GPATCH8: variants seen among roughly 807,000 people sequenced by gnomAD.
The protein encoded by GPATCH8 is G-patch domain containing 8, also known as G patch domain-containing protein 8.
Under a neutral mutation model 118.3 loss-of-function variants are expected in GPATCH8, and 18 were observed. The ratio of observed to expected loss-of-function variants is 0.15; its 90% confidence interval spans 0.11 to 0.23. The LOEUF (loss-of-function observed/expected upper bound fraction) is 0.23. Ranked by LOEUF, GPATCH8 falls within the 10% of genes least tolerant of loss-of-function variation. The pLI is 1.00. For synonymous variants in GPATCH8, 659 were observed against 684.7 expected (o/e 0.96, Z 0.59); for missense variants, 1,631 against 1,873.8 (o/e 0.87, Z 2.39).
chr17:44,397,132 G>A lies in GPATCH8; in HGVS notation c.*436C>T, dbSNP rs188060173. 7.0e-4 allele frequency: 319 copies of A among 456,148 alleles called. No homozygotes were observed. The highest frequency in any genetic ancestry group is 2.9e-3 in the African/African-American group (145 of 50,208). The allele number at this position is 456,148 out of a possible 1,614,324, so 28.3% of individuals were successfully genotyped here. Reference sequence around the variant, plus strand: ...AGAACAGCTTGGCCTTCCCTGTGGCGCTGAGAAGGCAAGACCAGATGGGCC... The same window carrying A: ...AGAACAGCTTGGCCTTCCCTGTGGCACTGAGAAGGCAAGACCAGATGGGCC... On this transcript the variant is annotated 3_prime_UTR_variant, in exon 8 of 8. Coordinates refer to ENST00000591680, the MANE Select transcript of GPATCH8 (RefSeq NM_001002909.4).
intron 1 of GPATCH8, among the ~76,000 whole-genome samples, chr17:44,480,894 A>AC (rs1968179401): frequency 2.0e-5 from 3 of 151,812 alleles, no homozygotes; most frequent in African/African-American, 7.3e-5. Context: ...AAAAACAAAA[A>AC]AAAACAACCT....
intron 5 of GPATCH8, among the ~76,000 whole-genome samples, chr17:44,430,641 T>C (rs1417624412): frequency 6.7e-6 from 1 of 150,320 alleles, no homozygotes; most frequent in Non-Finnish European, 1.5e-5. Context: ...ATGTTCACTG[T>C]TGCATTTTTT....
intron 1 of GPATCH8, among the ~76,000 whole-genome samples, chr17:44,495,159 C>A (rs1969565611): frequency 6.6e-6 from 1 of 152,052 alleles, no homozygotes; most frequent in African/African-American, 2.4e-5. Context: ...CATGATGAAA[C>A]CCCATCTCTA....
intron 2 of GPATCH8, among the ~76,000 whole-genome samples, chr17:44,467,786 C>G (rs928793551): frequency 1.3e-5 from 2 of 151,720 alleles, no homozygotes; most frequent in African/African-American, 4.8e-5. Flanking sequence ...AAACACTCGT[C>G]AAAAATCCAA....
chr17:44,404,159 A>G (rs1425606524), intron 7 of GPATCH8, among the ~76,000 whole-genome samples: 1 of 152,030 alleles, frequency 6.6e-6, no homozygotes, highest in African/African-American at 2.4e-5. Flanking sequence ...TTTTTTTGAG[A>G]CAGGGTCTTG....
intron 3 of GPATCH8, among the ~76,000 whole-genome samples, chr17:44,452,467 T>C (rs953146025): frequency 7.2e-5 from 11 of 152,128 alleles, no homozygotes; most frequent in African/African-American, 2.4e-4. Flanking sequence ...ATCTAGTGAA[T>C]AGGGGCTTGC....
chr17:44,463,610 G>A (rs563313317), intron 3 of GPATCH8, among the ~76,000 whole-genome samples: 3 of 152,252 alleles, frequency 2.0e-5, no homozygotes, highest in South Asian at 4.1e-4. Context: ...TTGAATTCCT[G>A]ACCTCATGAT....
At chr17:44,412,054 C>G (rs983417316) in intron 6 of GPATCH8, among the ~76,000 whole-genome samples, 1 of 152,184 alleles carries the variant, frequency 6.6e-6, no homozygotes, top group African/African-American at 2.4e-5. Flanking sequence ...TCCCGAGTAG[C>G]TGGGATTACA....
In GPATCH8 at chr17:44,395,627, G is replaced by T. The variant is rs1313688496; in HGVS notation, c.*1941C>A. The T allele has an allele frequency of 4.4e-6, 2 of 454,222 alleles. No individual in the cohort carries two copies. The highest frequency in any genetic ancestry group is 4.7e-5 in the Admixed American group (2 of 42,578). The allele number at this position is 454,222 out of a possible 1,614,324, so 28.1% of individuals were successfully genotyped here. A position where few individuals can be genotyped will look rare whatever the true frequency, so the allele number is the denominator to read the frequency against. On this transcript the variant is annotated 3_prime_UTR_variant, in exon 8 of 8. Coordinates refer to ENST00000591680, the MANE Select transcript of GPATCH8 (RefSeq NM_001002909.4). ...TAGTTATCCAAGAAGTGATGCTTCT[G>T]AATCAGATGAGTACTGAACAGGTAG...
chr17:44,478,704 C>G (rs1967969839), intron 1 of GPATCH8, among the ~76,000 whole-genome samples: 1 of 152,064 alleles, frequency 6.6e-6, no homozygotes, highest in South Asian at 2.1e-4. Flanking sequence ...AACCCTCATC[C>G]TAACAATAAC....
chr17:44,421,272 C>T (rs1005208229), intron 6 of GPATCH8, among the ~76,000 whole-genome samples: 15 of 151,422 alleles, frequency 9.9e-5, no homozygotes, highest in African/African-American at 1.5e-4. Flanking sequence ...ACCCAGGAGG[C>T]GGAGGTTGCA....
chr17:44,478,853 C>T (rs1410120972), intron 1 of GPATCH8, among the ~76,000 whole-genome samples: 1 of 152,026 alleles, frequency 6.6e-6, no homozygotes, highest in African/African-American at 2.4e-5. Context: ...ATCCTCCCAC[C>T]TCAGCCTCCC....
chr17:44,422,924 T>G (rs972421032), intron 6 of GPATCH8, among the ~76,000 whole-genome samples: 1 of 152,140 alleles, frequency 6.6e-6, no homozygotes, highest in Non-Finnish European at 1.5e-5. Flanking sequence ...TATATATATA[T>G]GCTCTATAAA....
intron 2 of GPATCH8, among the ~76,000 whole-genome samples, chr17:44,471,141 A>G (rs1967248126): frequency 6.6e-6 from 1 of 152,250 alleles, no homozygotes; most frequent in Non-Finnish European, 1.5e-5. Context: ...TCTTGAGGAA[A>G]AATCTCATTG....
rs114019434 is a variant in GPATCH8 at position 44,451,923 on chromosome 17, T to G, written c.193+12549A>C. On this transcript the variant is annotated intron_variant, in intron 3 of 7. Coordinates refer to ENST00000591680, the MANE Select transcript of GPATCH8 (RefSeq NM_001002909.4). Reference sequence around the variant, plus strand: ...CCTACAGTTTAGGTACATTACAGCATATTGGTTAAAAGCATAGGTTTTGGC... The same window carrying G: ...CCTACAGTTTAGGTACATTACAGCAGATTGGTTAAAAGCATAGGTTTTGGC... 9.8e-3 allele frequency among the ~76,000 whole-genome samples: 1,497 copies of G among 152,226 alleles called. 22 individuals are homozygous for G. Among genetic ancestry groups the G allele is most frequent in the African/African-American group, 0.029 (1,188 of 41,526 alleles).
At chr17:44,495,420 T>C (rs1343356253) in intron 1 of GPATCH8, among the ~76,000 whole-genome samples, 1 of 152,222 alleles carries the variant, frequency 6.6e-6, no homozygotes, top group African/African-American at 2.4e-5. Flanking sequence ...TTATTAGCTA[T>C]ACTGTTTTTC....
At chr17:44,488,071 C>T (rs372914705) in intron 1 of GPATCH8, among the ~76,000 whole-genome samples, 5 of 149,848 alleles carry the variant, frequency 3.3e-5, no homozygotes, top group Middle Eastern at 3.8e-3. Flanking sequence ...TACAGGAGTG[C>T]GCCACCACAT....
Position 44,400,764 on chromosome 17 carries a change from C to G in GPATCH8, c.1313G>C (p.Ser438Thr). The G allele has an allele frequency of 6.2e-7, 1 of 1,613,928 alleles. No individual in the cohort carries two copies. ...PKNAPESKKG[S>T]SPKPKSCIKA... is the part of the protein sequence containing the mutation. ...GATGCAGCTTTTAGGCTTGGGAGAACTGCCTTTTTTACTCTCTGGGGCATT... is the reference window on the plus strand; with the variant it reads ...GATGCAGCTTTTAGGCTTGGGAGAAGTGCCTTTTTTACTCTCTGGGGCATT... The change falls in exon 8 of 8, where the codon AGT (serine) becomes ACT (threonine). Residue 438 changes from serine to threonine, a missense_variant. Physicochemically the swap from Ser to Thr is moderately conservative, Grantham distance 58. Transcript: ENST00000591680.
At chr17:44,477,825 T>C (rs1967899824) in intron 1 of GPATCH8, among the ~76,000 whole-genome samples, 1 of 152,144 alleles carries the variant, frequency 6.6e-6, no homozygotes, top group Non-Finnish European at 1.5e-5. Flanking sequence ...TTTTGTTTTG[T>C]TTGAGATGGA....
Sources: gnomAD v4.1 joint callset for allele counts (sites outside exome capture counted in the v4.1 genomes callset) on GRCh38, gnomAD v4.1.1 for gene constraint, MANE v1.5 for transcripts, NCBI Gene and HGNC (gene_info 2026-07-23, HGNC 2026-07-21) for gene names.